SMG8: variants seen among roughly 807,000 people sequenced by gnomAD.
The protein encoded by SMG8 is SMG8 nonsense mediated mRNA decay factor.
Under a neutral mutation model 82.1 loss-of-function variants are expected in SMG8, and 49 were observed. The ratio of observed to expected loss-of-function variants is 0.60; its 90% confidence interval spans 0.47 to 0.76. SMG8 has a LOEUF of 0.76. SMG8 is among the 30% of genes least tolerant of loss of function. The pLI is 0.00. For missense variants in SMG8, 969 were observed against 1,166.4 expected (o/e 0.83, Z 2.46); for synonymous variants, 404 against 430.0 (o/e 0.94, Z 0.75).
In SMG8 at chr17:59,214,827, G is replaced by A. The variant is rs760919154; in HGVS notation, c.2801G>A (p.Cys934Tyr). ...MPQVQPGPPP[C>Y]PVFYPEKQEI... is the part of the protein sequence containing the mutation. ...CAGGTTCAGCCAGGCCCACCACCAT[G>A]TCCGGTATTCTACCCAGAAAAACAA... Residue 934 changes from cysteine (C) to tyrosine (Y), a missense_variant, in exon 4 of 4, where the codon TGT becomes TAT. This residue lies in a region of SMG8 where 101 missense variants were observed against 91.1 expected (regional missense o/e 1.11). Transcript: ENST00000300917. 1 of 872,938 alleles carries A rather than the reference G, an allele frequency of 1.1e-6. No individual in the cohort carries two copies. The highest frequency in any genetic ancestry group is 2.4e-5 in the East Asian group (1 of 41,712). 54.1% of individuals were successfully genotyped at this position (872,938 alleles called of 1,614,324 possible). A position where few individuals can be genotyped will look rare whatever the true frequency, so the allele number is the denominator to read the frequency against.
Position 59,210,088 on chromosome 17 carries a change from G to C in SMG8, c.37G>C (p.Gly13Arg), listed in dbSNP as rs146523891. Residue 13 changes from glycine (G) to arginine (R), a missense_variant, in exon 1 of 4, where the codon GGA becomes CGA. Gly to Arg is a moderately radical substitution (Grantham distance 125, BLOSUM62 -2). Transcript: ENST00000300917. ...GPVSLRDLLM[G>R]ASAWMGSESP... ...CGTGAGCTTGCGAGACCTTCTAATG[G>C]GAGCATCAGCCTGGATGGGCTCTGA... 3 of 1,579,408 alleles carry C rather than the reference G, an allele frequency of 1.9e-6. No homozygotes were observed. The highest frequency in any genetic ancestry group is 2.6e-6 in the Non-Finnish European group (3 of 1,165,866).
chr17:59,210,258 T>C lies in SMG8; in HGVS notation c.207T>C (p.Asn69=). 1 of 1,613,158 alleles carries C rather than the reference T, an allele frequency of 6.2e-7. No individual in the cohort carries two copies. Among genetic ancestry groups the C allele is most frequent in the Non-Finnish European group, 8.5e-7 (1 of 1,179,756 alleles). ...RLNSEKFSLV[N]TVCDRQVFPL... ...ATTCCGAGAAGTTCTCTCTTGTGAA[T>C]ACGGTGTGCGACCGACAGGTCTTTC... is the stretch of plus-strand genomic sequence containing the variant. Residue 69 remains asparagine, a synonymous_variant, in exon 1 of 4, where the codon AAT becomes AAC. Coordinates refer to ENST00000300917, the MANE Select transcript of SMG8 (RefSeq NM_018149.7).
intron 3 of SMG8, 22 bp downstream of exon 3, chr17:59,213,623 A>G: frequency 5.1e-6 from 8 of 1,555,708 alleles, no homozygotes; most frequent in Non-Finnish European, 6.9e-6. Context: ...AACCCTCTGC[A>G]GCCCCAAACA....
At chr17:59,211,966 G>A in intron 1 of SMG8, 156 bp downstream of exon 1, 3 of 580,768 alleles carry the variant, frequency 5.2e-6, no homozygotes, top group Non-Finnish European at 8.1e-6. Flanking sequence ...TGCTGTAAAA[G>A]GAAAATATCA....
Position 59,212,759 on chromosome 17 carries a change from G to A in SMG8, c.1936G>A (p.Asp646Asn). Residue 646 changes from aspartate to asparagine, a missense_variant, in exon 3 of 4, where the codon GAT (aspartate) becomes AAT (asparagine). This residue lies in a region of SMG8 where 662 missense variants were observed against 884.8 expected (regional missense o/e 0.75). Coordinates refer to ENST00000300917, the MANE Select transcript of SMG8 (RefSeq NM_018149.7). ...GGAAGAAAAGTGTTGTGGAAAATTG[G>A]ATCATATCAATTTCCCAGTATTTGA... ...LLEEKCCGKL[D>N]HINFPVFEPS... is the part of the protein sequence containing the mutation. 2 of 1,608,584 alleles carry A rather than the reference G, an allele frequency of 1.2e-6. No individual in the cohort carries two copies. Among genetic ancestry groups the A allele is most frequent in the Non-Finnish European group, 1.7e-6 (2 of 1,178,782 alleles).
Position 59,210,874 on chromosome 17 carries a change from C to T in SMG8, c.823C>T (p.Leu275Phe). ...LLFLFQLNGA[L>F]KVEPPRNQDP... ...TTTCCTCTTTCAACTCAATGGAGCC[C>T]TCAAGGTAGAACCTCCTCGGAACCA... Residue 275 changes from leucine to phenylalanine, a missense_variant, in exon 1 of 4, where the codon CTC becomes TTC. Leu to Phe is a conservative substitution (Grantham distance 22). Around this residue, in one of 3 missense-constraint regions of SMG8, gnomAD observed 662 missense variants for 884.8 expected, o/e 0.75. Coordinates refer to ENST00000300917, the MANE Select transcript of SMG8 (RefSeq NM_018149.7). The T allele has an allele frequency of 6.2e-7, 1 of 1,614,164 alleles. No individual in the cohort carries two copies. Among genetic ancestry groups the T allele is most frequent in the African/African-American group, 1.3e-5 (1 of 75,022 alleles).
In SMG8 at chr17:59,211,429, A is replaced by G. The variant is rs1437124572; in HGVS notation, c.1378A>G (p.Ile460Val). Residue 460 changes from isoleucine (I) to valine (V), a missense_variant, in exon 1 of 4, where the codon ATT (isoleucine) becomes GTT (valine). Physicochemically the swap from Ile to Val is conservative, Grantham distance 29 (BLOSUM62 3). Coordinates refer to ENST00000300917, the MANE Select transcript of SMG8 (RefSeq NM_018149.7). Reference protein sequence around the residue: ...SAASKLYEVAIDGKEEDLGSP... With the variant: ...SAASKLYEVAVDGKEEDLGSP... ...AGCTTCAAAACTGTATGAGGTGGCTATTGATGGGAAAGAAGAGGACTTGGG... is the reference window on the plus strand; with the variant it reads ...AGCTTCAAAACTGTATGAGGTGGCTGTTGATGGGAAAGAAGAGGACTTGGG... 3 of 1,614,074 alleles carry G rather than the reference A, an allele frequency of 1.9e-6. No homozygotes were observed. Among genetic ancestry groups the G allele is most frequent in the African/African-American group, 2.7e-5 (2 of 74,930 alleles).
chr17:59,211,335 T>C lies in SMG8; in HGVS notation c.1284T>C (p.Asp428=). Reference sequence around the variant, plus strand: ...TAGTTCTAAGCAAGAAAGGTTTCGATGACAGTGTGGGCAGGAACCCACAGC... The same window carrying C: ...TAGTTCTAAGCAAGAAAGGTTTCGACGACAGTGTGGGCAGGAACCCACAGC... ...VELVLSKKGF[D]DSVGRNPQPS... is the part of the protein sequence containing the mutation. Residue 428 remains aspartate, a synonymous_variant, in exon 1 of 4, where the codon GAT becomes GAC. Transcript: ENST00000300917. 3 of 1,614,178 alleles carry C rather than the reference T, an allele frequency of 1.9e-6. No individual in the cohort carries two copies. Among genetic ancestry groups the C allele is most frequent in the Non-Finnish European group, 2.5e-6 (3 of 1,180,030 alleles).
At chr17:59,214,557 G>A (rs1480126613) in intron 3 of SMG8, among the ~76,000 whole-genome samples, 1 of 151,892 alleles carries the variant, frequency 6.6e-6, no homozygotes, top group African/African-American at 2.4e-5. Flanking sequence ...ACAGGCACAC[G>A]CCACCACACC....
rs761572720 is a variant in SMG8, at chr17:59,210,677, T to C, written c.626T>C (p.Ile209Thr). 3 of 1,614,140 alleles carry C rather than the reference T, an allele frequency of 1.9e-6. No homozygotes were observed. Among genetic ancestry groups the C allele is most frequent in the South Asian group, 2.2e-5 (2 of 91,074 alleles). The change falls in exon 1 of 4, where the codon ATC (isoleucine) becomes ACC (threonine). Residue 209 changes from isoleucine to threonine, a missense_variant. By Grantham distance (89) the Ile-to-Thr change is moderately conservative. Around this residue, in one of 3 missense-constraint regions of SMG8, gnomAD observed 662 missense variants for 884.8 expected, o/e 0.75. Transcript: ENST00000300917. ...SLLYLFSVCH[I>T]LLLVHPTCSF... ...CTTTACCTATTCTCTGTCTGTCATATCTTGCTTCTGGTCCATCCCACTTGT... is the reference window on the plus strand; with the variant it reads ...CTTTACCTATTCTCTGTCTGTCATACCTTGCTTCTGGTCCATCCCACTTGT...
intron 3 of SMG8, among the ~76,000 whole-genome samples, chr17:59,214,214 T>C (rs928788563): frequency 6.6e-6 from 1 of 151,914 alleles, no homozygotes; most frequent in Non-Finnish European, 1.5e-5. Context: ...AATCAACCTG[T>C]AAGCGGAGGT....
Position 59,210,545 on chromosome 17 carries a change from C to A in SMG8, c.494C>A (p.Ala165Asp). Residue 165 changes from alanine (A) to aspartate (D), a missense_variant, in exon 1 of 4, where the codon GCT (alanine) becomes GAT (aspartate). Transcript: ENST00000300917. The part of the protein sequence containing the change: ...SICDNSQLLR[A>D]CRALQSGEAG... ...TGTGACAATTCACAGCTTCTCCGGGCTTGTCGGGCTCTTCAGAGCGGGGAA... is the reference window on the plus strand; with the variant it reads ...TGTGACAATTCACAGCTTCTCCGGGATTGTCGGGCTCTTCAGAGCGGGGAA... 1 of 1,566,240 alleles carries A rather than the reference C, an allele frequency of 6.4e-7. No homozygotes were observed.
Position 59,211,728 on chromosome 17 carries a change from G to A in SMG8, c.1677G>A (p.Trp559Ter), listed in dbSNP as rs1452630479. The stretch of plus-strand genomic sequence containing the variant: ...TACATGAGGACTGCTACAAATTTTG[G>A]AGCAATGGCCATCAGCTCTGTGAGG... ...MQLHEDCYKF[W>*]SNGHQLCEER... The change falls in exon 1 of 4, where the codon TGG becomes TGA. Residue 559 changes from tryptophan (W) to a stop codon, truncating the protein, a stop_gained. Coordinates refer to ENST00000300917, the MANE Select transcript of SMG8 (RefSeq NM_018149.7). LOFTEE classifies it high-confidence loss of function. The A allele has an allele frequency of 5.0e-6, 8 of 1,613,344 alleles. No individual in the cohort carries two copies. Among genetic ancestry groups the A allele is most frequent in the African/African-American group, 1.3e-5 (1 of 74,916 alleles).
At chr17:59,212,582 G>A in intron 2 of SMG8, 96 bp downstream of exon 2, 1 of 1,500,042 alleles carries the variant, frequency 6.7e-7, no homozygotes, top group Non-Finnish European at 9.0e-7. Context: ...AAGTAGAAAA[G>A]CAAATGCAAC....
chr17:59,213,715 AGT>A, intron 3 of SMG8, 114 bp downstream of exon 3: 1 of 1,351,626 alleles, frequency 7.4e-7, no homozygotes, highest in South Asian at 1.5e-5. Flanking sequence ...GGCTGAGGGC[AGT>A]GGCTCATGCT....
In SMG8 at chr17:59,215,146, T is replaced by A. The variant is rs1597952801; in HGVS notation, c.*144T>A. ...GGAGTTCAGTATTTGGAAACTAATT[T>A]GTTCTACTTTTTCATTATATTGTTG... On this transcript the variant is annotated 3_prime_UTR_variant, in exon 4 of 4. Coordinates refer to ENST00000300917, the MANE Select transcript of SMG8 (RefSeq NM_018149.7). 2 of 583,016 alleles carry A rather than the reference T, an allele frequency of 3.4e-6. No homozygotes were observed. The highest frequency in any genetic ancestry group is 5.5e-5 in the East Asian group (2 of 36,478). 36.1% of individuals were successfully genotyped at this position (583,016 alleles called of 1,614,324 possible).
chr17:59,214,270 A>G (rs1281790663), intron 3 of SMG8, among the ~76,000 whole-genome samples: 3 of 152,058 alleles, frequency 2.0e-5, no homozygotes, highest in Non-Finnish European at 4.4e-5. Flanking sequence ...CTGGGTGACT[A>G]AGAAAGACTC....
chr17:59,211,086 G>C lies in SMG8; in HGVS notation c.1035G>C (p.Glu345Asp). Reference protein sequence around the residue: ...FVYIVPGSQEEDPVGMLLDQL... With the variant: ...FVYIVPGSQEDDPVGMLLDQL... ...ACATAGTACCGGGAAGCCAGGAGGA[G>C]GACCCAGTAGGTATGTTGCTGGACC... The change falls in exon 1 of 4, where the codon GAG (glutamate) becomes GAC (aspartate). Residue 345 changes from glutamate to aspartate, a missense_variant. Physicochemically the swap from Glu to Asp is conservative, Grantham distance 45. This residue lies in a region of SMG8 where 662 missense variants were observed against 884.8 expected (regional missense o/e 0.75). Transcript: ENST00000300917. The C allele has an allele frequency of 6.2e-7, 1 of 1,614,220 alleles. No individual in the cohort carries two copies.
chr17:59,214,726 A>G (rs1338431586), intron 3 of SMG8, 79 bp from the exon 4 acceptor site: 3 of 800,600 alleles, frequency 3.7e-6, no homozygotes, highest in Non-Finnish European at 6.6e-6. Flanking sequence ...CTTTGAACCT[A>G]TCGTCTGTTT....
Sources: allele counts gnomAD v4.1 joint callset (sites outside exome capture counted in the v4.1 genomes callset), GRCh38; gene constraint gnomAD v4.1.1; regional missense constraint gnomAD v4.1.1; transcripts MANE v1.5; gene names NCBI Gene and HGNC (gene_info 2026-07-23, HGNC 2026-07-21).